ASCC3: variants seen among roughly 807,000 people sequenced by gnomAD.
ASCC3 encodes activating signal cointegrator 1 complex subunit 3.
In ASCC3, 158 loss-of-function variants were observed where a neutral mutation model predicts 256.3. The observed-to-expected ratio is 0.62, with a 90% CI of 0.54 to 0.70. The LOEUF (loss-of-function observed/expected upper bound fraction) is 0.70. ASCC3 is among the 30% of genes least tolerant of loss of function. The pLI, the probability that ASCC3 is intolerant of heterozygous loss-of-function variation, is 0.00. For missense variants in ASCC3, 2,259 were observed against 2,626.0 expected, an observed-to-expected ratio of 0.86 and a Z score of 3.05; for synonymous variants, 948 against 883.4, an observed-to-expected ratio of 1.07 and a Z score of -1.30.
chr6:100,669,841 G>A (rs1439606963), intron 14 of ASCC3, among the ~76,000 whole-genome samples: 3 of 151,670 alleles, frequency 2.0e-5, no homozygotes, highest in African/African-American at 7.3e-5. Flanking sequence ...AGAAAAAGAT[G>A]ATGTGCCCAC....
intron 24 of ASCC3, among the ~76,000 whole-genome samples, chr6:100,641,585 C>T (rs572726317): frequency 1.7e-4 from 26 of 152,224 alleles, no homozygotes; most frequent in Non-Finnish European, 7.4e-5. Flanking sequence ...ACTAGTTCAA[C>T]CATTGTGGAA....
At chr6:100,721,263 G>GT (rs1779315664) in intron 11 of ASCC3, among the ~76,000 whole-genome samples, 1 of 151,696 alleles carries the variant, frequency 6.6e-6, no homozygotes, top group African/African-American at 2.4e-5. Context: ...ATGTTCTATA[G>GT]TTGAAGAAAG....
At chr6:100,693,080 T>C (rs554378980) in intron 13 of ASCC3, among the ~76,000 whole-genome samples, 1 of 152,146 alleles carries the variant, frequency 6.6e-6, no homozygotes, top group East Asian at 1.9e-4. Context: ...AGACAGAATA[T>C]ATAATGATAT....
At chr6:100,713,739 T>C (rs1393947330) in intron 13 of ASCC3, among the ~76,000 whole-genome samples, 1 of 152,128 alleles carries the variant, frequency 6.6e-6, no homozygotes, top group Non-Finnish European at 1.5e-5. Context: ...AAAAACTAAA[T>C]TGAGAAAACA....
At chr6:100,762,660 A>T (rs530790059) in intron 10 of ASCC3, among the ~76,000 whole-genome samples, 29 of 152,270 alleles carry the variant, frequency 1.9e-4, no homozygotes, top group African/African-American at 6.5e-4. Context: ...TGTAAAAGGA[A>T]ATTTTATATT....
chr6:100,851,512 A>C (rs1377020395), intron 3 of ASCC3, among the ~76,000 whole-genome samples: 2 of 152,236 alleles, frequency 1.3e-5, no homozygotes, highest in African/African-American at 2.4e-5. Flanking sequence ...AAGAGAAAAT[A>C]ATTGTAGACT....
intron 10 of ASCC3, among the ~76,000 whole-genome samples, chr6:100,753,510 A>T (rs570203241): frequency 0.21 from 3,478 of 16,524 alleles, 55 homozygotes; most frequent in African/African-American, 0.3. Context: ...TTTTTTTTTA[A>T]AAAAAAAAAC....
intron 11 of ASCC3, among the ~76,000 whole-genome samples, chr6:100,720,693 T>G (rs1375592370): frequency 6.6e-6 from 1 of 151,582 alleles, no homozygotes; most frequent in Non-Finnish European, 1.5e-5. Flanking sequence ...AATTTGACCA[T>G]TTTTCTTAAG....
chr6:100,657,591 T>A (rs1775980442), intron 16 of ASCC3, among the ~76,000 whole-genome samples: 1 of 151,434 alleles, frequency 6.6e-6, no homozygotes, highest in Non-Finnish European at 1.5e-5. Context: ...CTTAGAATAT[T>A]ATTTTAAAGT....
chr6:100,525,387 A>G (rs575522896), intron 37 of ASCC3, among the ~76,000 whole-genome samples: 1 of 152,064 alleles, frequency 6.6e-6, no homozygotes, highest in African/African-American at 2.4e-5. Flanking sequence ...CAAGAATGCA[A>G]AACACTATGG....
At chr6:100,753,915 T>C (rs1211731766) in intron 10 of ASCC3, among the ~76,000 whole-genome samples, 1 of 152,192 alleles carries the variant, frequency 6.6e-6, no homozygotes, top group Non-Finnish European at 1.5e-5. Context: ...AAATATTTAA[T>C]ATTAATTACT....
chr6:100,807,434 T>A (rs929884699), intron 4 of ASCC3, among the ~76,000 whole-genome samples: 2 of 151,708 alleles, frequency 1.3e-5, no homozygotes, highest in Non-Finnish European at 2.9e-5. Context: ...GAATTATCCA[T>A]CAACAAAGTA....
chr6:100,687,034 TCACA>T (rs71028030), intron 13 of ASCC3, among the ~76,000 whole-genome samples: 11,935 of 130,602 alleles, frequency 0.091, 661 homozygotes, highest in African/African-American at 0.17. Flanking sequence ...TCTCTCTCTC[TCACA>T]CACACACACA....
intron 4 of ASCC3, among the ~76,000 whole-genome samples, chr6:100,835,245 T>C (rs1021184958): frequency 1.3e-5 from 2 of 152,150 alleles, no homozygotes. Context: ...TTCTGTTTAT[T>C]GTTCCCTTTG....
intron 12 of ASCC3, among the ~76,000 whole-genome samples, chr6:100,716,554 G>C (rs539849300): frequency 2.0e-5 from 3 of 151,942 alleles, no homozygotes; most frequent in African/African-American, 7.2e-5. Context: ...GGCTAAGTAG[G>C]ATGAGATGAT....
chr6:100,710,779 C>T (rs930516025), intron 13 of ASCC3, among the ~76,000 whole-genome samples: 2 of 152,072 alleles, frequency 1.3e-5, no homozygotes, highest in African/African-American at 4.8e-5. Flanking sequence ...GGGGATACAG[C>T]TGCATTTTAT....
chr6:100,822,531 GTC>G (rs1440098300), intron 4 of ASCC3, among the ~76,000 whole-genome samples: 5 of 104,128 alleles, frequency 4.8e-5, no homozygotes, highest in Admixed American at 3.2e-4. Flanking sequence ...GCAAGACTCC[GTC>G]TCCAAAAAAA....
At chr6:100,634,902 AT>A (rs1303405215) in intron 25 of ASCC3, among the ~76,000 whole-genome samples, 1 of 151,872 alleles carries the variant, frequency 6.6e-6, no homozygotes, top group African/African-American at 2.4e-5. Context: ...AAAGAAAAAA[AT>A]AACACACATG....
chr6:100,812,957 G>A (rs1770549643), intron 4 of ASCC3, among the ~76,000 whole-genome samples: 1 of 120,514 alleles, frequency 8.3e-6, no homozygotes, highest in African/African-American at 2.7e-5. Flanking sequence ...TGGATGGATG[G>A]ACAGACAGAT....
Sources: gnomAD v4.1 joint callset for allele counts (sites outside exome capture counted in the v4.1 genomes callset) on GRCh38, gnomAD v4.1.1 for gene constraint, MANE v1.5 for transcripts, NCBI Gene and HGNC (gene_info 2026-07-23, HGNC 2026-07-21) for gene names.